The following ARL15 variants were observed in gnomAD, a reference collection of about 807,000 sequenced individuals.
ARL15 encodes the protein ARF like GTPase 15.
Under a neutral mutation model 25.2 loss-of-function variants are expected in ARL15, and 19 were observed. The observed-to-expected ratio is 0.75, with a 90% CI of 0.53 to 1.10. The LOEUF (loss-of-function observed/expected upper bound fraction) is 1.10. Ranked by LOEUF, ARL15 falls within the 50% of genes least tolerant of loss-of-function variation. The probability of loss-of-function intolerance (pLI) is 0.00; values close to 1 mark genes in which losing one functional copy is unlikely to be tolerated. For missense variants in ARL15, 220 were observed against 246.0 expected (o/e 0.89, Z 0.71); for synonymous variants, 94 against 86.8 (o/e 1.08, Z -0.46).
intron 4 of ARL15, among the ~76,000 whole-genome samples, chr5:54,071,992 A>G (rs1222148874): frequency 2.7e-5 from 4 of 150,264 alleles, no homozygotes; most frequent in African/African-American, 9.7e-5. Flanking sequence ...AAAAAAAAAA[A>G]AAAGAAAAAA....
At chr5:54,138,646 C>A (rs1245859323) in intron 3 of ARL15, among the ~76,000 whole-genome samples, 1 of 151,808 alleles carries the variant, frequency 6.6e-6, no homozygotes, top group East Asian at 1.9e-4. Context: ...AAAGCAAATG[C>A]AACAAAAACA....
chr5:54,298,286 TAC>T (rs1027002610), intron 1 of ARL15, among the ~76,000 whole-genome samples: 73 of 152,216 alleles, frequency 4.8e-4, no homozygotes, highest in African/African-American at 1.7e-3. Flanking sequence ...CTACAAAGGC[TAC>T]ACAAGGAAAG....
intron 3 of ARL15, among the ~76,000 whole-genome samples, chr5:54,140,268 AAAAC>A (rs1753729477): frequency 6.6e-6 from 1 of 152,096 alleles, no homozygotes; most frequent in Admixed American, 6.6e-5. Context: ...AAAAAAAAAA[AAAAC>A]AAGGCAGCAT....
intron 3 of ARL15, among the ~76,000 whole-genome samples, chr5:54,127,806 G>A (rs1753309601): frequency 6.6e-6 from 1 of 151,502 alleles, no homozygotes; most frequent in African/African-American, 2.4e-5. Context: ...GCATGGTACT[G>A]GTACCAAAAC....
At chr5:54,283,079 G>T (rs1161979071) in intron 1 of ARL15, among the ~76,000 whole-genome samples, 1 of 152,182 alleles carries the variant, frequency 6.6e-6, no homozygotes, top group Non-Finnish European at 1.5e-5. Context: ...ACAAGTTAAA[G>T]CTTCTCCCTA....
At chr5:54,198,470 A>G (rs1390125386) in intron 1 of ARL15, among the ~76,000 whole-genome samples, 1 of 149,972 alleles carries the variant, frequency 6.7e-6, no homozygotes, top group Admixed American at 6.6e-5. Context: ...AAATCAATGT[A>G]CAAAAATCAC....
rs149595685 is a variant in ARL15 at position 53,941,903 on chromosome 5, G to A, written c.463-55190C>T. Among the ~76,000 whole-genome samples, 746 of 152,208 alleles carry A rather than the reference G, an allele frequency of 4.9e-3. 7 individuals are homozygous for A. The highest frequency in any genetic ancestry group is 0.017 in the African/African-American group (717 of 41,524). On this transcript the variant is annotated intron_variant, in intron 4 of 4. Coordinates refer to ENST00000504924, the MANE Select transcript of ARL15 (RefSeq NM_019087.3). ...AGTCAGAAAGCTAAGCAAGGCCTGG[G>A]TCAGGAGAGCTATTTATTTTCATGA...
Position 54,235,411 on chromosome 5 carries a change from CATGATCTAATTTATGTTTT to C in ARL15, c.49-63502_49-63484del, listed in dbSNP as rs531789387. Among the ~76,000 whole-genome samples the C allele has an allele frequency of 1.1e-4, 17 of 151,866 alleles. No homozygotes were observed. In the East Asian group the frequency reaches 3.1e-3, roughly 28 times the overall value. On this transcript the variant is annotated intron_variant, in intron 1 of 4. Coordinates refer to ENST00000504924, the MANE Select transcript of ARL15 (RefSeq NM_019087.3). ...AATGTAGTCACAGAATAACGGGTGG[CATGATCTAATTTATGTTTT>C]AAAAAATGTACGCACGTGTACCCAT...
intron 4 of ARL15, among the ~76,000 whole-genome samples, chr5:54,025,935 C>T (rs73754416): frequency 0.017 from 2,541 of 152,046 alleles, 83 homozygotes; most frequent in African/African-American, 0.058. Flanking sequence ...TTAGAAATAC[C>T]AACTTCCTAT....
At chr5:54,087,535 T>TAA (rs1752006542) in intron 4 of ARL15, among the ~76,000 whole-genome samples, 1 of 152,122 alleles carries the variant, frequency 6.6e-6, no homozygotes, top group Non-Finnish European at 1.5e-5. Context: ...CACCTCTGGT[T>TAA]TGGATAGCTA....
intron 4 of ARL15, among the ~76,000 whole-genome samples, chr5:53,925,997 C>CTTTTTTTTTTT (rs70986651): frequency 4.1e-5 from 5 of 122,792 alleles, no homozygotes; most frequent in East Asian, 2.4e-4. Context: ...TTTTTTCTTT[C>CTTTTTTTTTTT]TTTTTTTTTT....
At chr5:54,061,569 C>G (rs984432925) in intron 4 of ARL15, among the ~76,000 whole-genome samples, 4 of 152,068 alleles carry the variant, frequency 2.6e-5, no homozygotes, top group African/African-American at 9.7e-5. Context: ...CCACTGAACT[C>G]TAGCCTGGGC....
intron 4 of ARL15, among the ~76,000 whole-genome samples, chr5:53,992,914 C>T (rs1016102432): frequency 4.6e-5 from 7 of 152,100 alleles, no homozygotes; most frequent in African/African-American, 9.7e-5. Flanking sequence ...GGCGTAGTGG[C>T]GCATGCCTGT....
At chr5:54,227,423 T>G (rs1684091646) in intron 1 of ARL15, among the ~76,000 whole-genome samples, 1 of 152,242 alleles carries the variant, frequency 6.6e-6, no homozygotes, top group Non-Finnish European at 1.5e-5. Flanking sequence ...TCACAGGCTC[T>G]CTGGGAGGCA....
chr5:54,017,546 G>T (rs1318269496), intron 4 of ARL15, among the ~76,000 whole-genome samples: 2 of 146,934 alleles, frequency 1.4e-5, no homozygotes, highest in Non-Finnish European at 3.0e-5. Flanking sequence ...GAAGGAGCAT[G>T]TTCTGTCAGA....
In ARL15 at chr5:53,981,455, A is replaced by T. The variant is rs114219281; in HGVS notation, c.463-94742T>A. On this transcript the variant is annotated intron_variant, in intron 4 of 4. Coordinates refer to ENST00000504924, the MANE Select transcript of ARL15 (RefSeq NM_019087.3). ...CTGAGTCTTTCTGGGAGCACACAGG[A>T]TTCAGAGAACACAGTCTGCAAGCAA... Among the ~76,000 whole-genome samples, 1,081 of 152,312 alleles carry T rather than the reference A, an allele frequency of 7.1e-3. 9 individuals are homozygous for T. Among genetic ancestry groups the T allele is most frequent in the Non-Finnish European group, 0.013 (915 of 68,034 alleles).
intron 4 of ARL15, among the ~76,000 whole-genome samples, chr5:54,004,451 G>A (rs947881706): frequency 5.4e-5 from 8 of 148,842 alleles, no homozygotes; most frequent in African/African-American, 1.0e-4. Flanking sequence ...TGAGATCACC[G>A]TACCACCGCA....
chr5:54,207,885 A>C (rs1418668206), intron 1 of ARL15, among the ~76,000 whole-genome samples: 1 of 152,234 alleles, frequency 6.6e-6, no homozygotes, highest in Non-Finnish European at 1.5e-5. Flanking sequence ...AAGCTGGGCA[A>C]CTGGCTCTGC....
intron 4 of ARL15, among the ~76,000 whole-genome samples, chr5:53,929,170 C>CA (rs3990747): frequency 0.082 from 11,593 of 142,126 alleles, 754 homozygotes; most frequent in East Asian, 0.33. Flanking sequence ...AAATAAGTTC[C>CA]AAAAAAAAAA....
Sources: allele counts gnomAD v4.1 joint callset (sites outside exome capture counted in the v4.1 genomes callset), GRCh38; gene constraint gnomAD v4.1.1; transcripts MANE v1.5; gene names NCBI Gene and HGNC (gene_info 2026-07-23, HGNC 2026-07-21).